MYH14: variants seen among roughly 807,000 people sequenced by gnomAD.
The protein encoded by MYH14 is myosin-14.
MYH14 carries 123 observed loss-of-function variants against 255.5 expected under a neutral mutation model. The observed-to-expected ratio is 0.48, with a 90% CI of 0.42 to 0.56. The LOEUF (loss-of-function observed/expected upper bound fraction) is 0.56. Ranked by LOEUF, MYH14 falls within the 20% of genes least tolerant of loss-of-function variation. The pLI is 0.00. For synonymous variants in MYH14, 1,095 were observed against 1,161.2 expected, an observed-to-expected ratio of 0.94 and a Z score of 1.16; for missense variants, 2,423 against 2,802.3, an observed-to-expected ratio of 0.86 and a Z score of 3.06.
chr19:50,211,767 A>G (rs2032205829), intron 2 of MYH14, among the ~76,000 whole-genome samples: 1 of 151,438 alleles, frequency 6.6e-6, no homozygotes, highest in South Asian at 2.1e-4. Flanking sequence ...GGATTGCTTG[A>G]GCCCAGGAGT....
intron 10 of MYH14, among the ~76,000 whole-genome samples, chr19:50,232,593 C>CA (rs532232129): frequency 0.069 from 4,322 of 63,028 alleles, 227 homozygotes; most frequent in Admixed American, 0.11. Context: ...GACTCTGTCT[C>CA]AAAAAAAAAA....
rs545426897 is a variant in MYH14 at position 50,261,766 on chromosome 19, G to A, written c.2585+131G>A. ...TGAGGAGCAGGTGGATGGAGGTGCC[G>A]GGTGTCCAGGCTTCTTGGTTCTGCA... On this transcript the variant is annotated intron_variant, in intron 21 of 42. Transcript: ENST00000642316. 3.9e-4 allele frequency: 292 copies of A among 752,156 alleles called. 3 individuals are homozygous for A. Among genetic ancestry groups the A allele is most frequent in the African/African-American group, 2.1e-3 (113 of 54,356 alleles). The allele number at this position is 752,156 out of a possible 1,614,324, so 46.6% of individuals were successfully genotyped here. A position where few individuals can be genotyped will look rare whatever the true frequency, so the allele number is the denominator to read the frequency against.
At chr19:50,296,475 G>A (rs1481722462) in intron 39 of MYH14, among the ~76,000 whole-genome samples, 1 of 152,162 alleles carries the variant, frequency 6.6e-6, no homozygotes, top group Admixed American at 6.6e-5. Context: ...TGCGATGGCG[G>A]GCACGCCTGC....
chr19:50,263,021 A>G (rs1007477973), intron 21 of MYH14, among the ~76,000 whole-genome samples: 10 of 152,050 alleles, frequency 6.6e-5, no homozygotes, highest in Middle Eastern at 3.4e-3. Context: ...CCAACATGGC[A>G]AAACCCCATC....
intron 34 of MYH14, 76 bp from the exon 35 acceptor site, chr19:50,289,360 T>G: frequency 8.3e-7 from 1 of 1,208,044 alleles, no homozygotes; most frequent in Non-Finnish European, 1.2e-6. Flanking sequence ...CCATCAAATC[T>G]TCCCCTACTC....
intron 10 of MYH14, among the ~76,000 whole-genome samples, chr19:50,234,274 G>A (rs2033554755): frequency 2.6e-5 from 4 of 152,284 alleles, no homozygotes; most frequent in Admixed American, 6.5e-5. Flanking sequence ...TAACAAGTAC[G>A]TAGGTGGACC....
intron 34 of MYH14, among the ~76,000 whole-genome samples, chr19:50,287,748 T>G (rs751001128): frequency 2.0e-5 from 3 of 152,204 alleles, no homozygotes; most frequent in Non-Finnish European, 2.9e-5. Flanking sequence ...TTCATGTGCA[T>G]ATGTACACAT....
intron 10 of MYH14, among the ~76,000 whole-genome samples, chr19:50,241,527 T>C (rs2033891712): frequency 6.6e-6 from 1 of 152,126 alleles, no homozygotes; most frequent in Non-Finnish European, 1.5e-5. Context: ...AGCTCTGCTG[T>C]CAGGGGAGAG....
At chr19:50,241,505 A>C (rs998595365) in intron 10 of MYH14, among the ~76,000 whole-genome samples, 37 of 152,144 alleles carry the variant, frequency 2.4e-4, no homozygotes, top group African/African-American at 8.4e-4. Context: ...CCTTGACTCA[A>C]ACACCACACA....
In MYH14 at chr19:50,210,353, GC is replaced by G; in HGVS notation, c.-3-6del. On this transcript the variant is annotated splice_polypyrimidine_tract_variant and intron_variant, in intron 1 of 42. Coordinates refer to ENST00000642316, the MANE Select transcript of MYH14 (RefSeq NM_001145809.2). ...CATCTGACCCCCACCCTCTTTCTTTGCCCCTGCAGACCATGGCAGCCGTGAC... is the reference window on the plus strand; with the variant it reads ...CATCTGACCCCCACCCTCTTTCTTTGCCCTGCAGACCATGGCAGCCGTGAC... The G allele has an allele frequency of 6.3e-7, 1 of 1,580,106 alleles. No individual in the cohort carries two copies. The highest frequency in any genetic ancestry group is 8.6e-7 in the Non-Finnish European group (1 of 1,164,828).
intron 33 of MYH14, 29 bp from the exon 34 acceptor site, chr19:50,286,453 C>T (rs1348458903): frequency 1.3e-6 from 2 of 1,595,108 alleles, no homozygotes; most frequent in African/African-American, 2.7e-5. Flanking sequence ...AATCTATTTC[C>T]CCCTACCCCA....
chr19:50,259,375 G>T, intron 19 of MYH14, 110 bp downstream of exon 19: 1 of 1,407,900 alleles, frequency 7.1e-7, no homozygotes, highest in Non-Finnish European at 9.6e-7. Flanking sequence ...CTTCTGCGCT[G>T]GGGAAGTTGA....
rs1314472430 is a variant in MYH14 at position 50,293,736 on chromosome 19, G to T, written c.5469+49G>T. ...CCAGCCTCAGTCCCCATTGACCTGG[G>T]ACCGTAACCTTCAGTCCTCTTATTC... On this transcript the variant is annotated intron_variant, in intron 39 of 42. Transcript: ENST00000642316. This position sits in a 1 kb window ranked among gnomAD's most constrained non-coding sequence, Gnocchi z 4.1. The T allele has an allele frequency of 6.6e-7, 1 of 1,508,616 alleles. No individual in the cohort carries two copies. The highest frequency in any genetic ancestry group is 8.9e-7 in the Non-Finnish European group (1 of 1,127,532). 93.5% of individuals were successfully genotyped at this position (1,508,616 alleles called of 1,614,324 possible).
Position 50,301,764 on chromosome 19 carries a change from G to A in MYH14, c.5573G>A (p.Arg1858His), listed in dbSNP as rs11882073. Residue 1858 changes from arginine (R) to histidine (H), a missense_variant, in exon 40 of 43, where the codon CGC becomes CAC. Arg to His is a conservative substitution (Grantham distance 29). This residue lies in a region of MYH14 where 1,513 missense variants were observed against 1,674.8 expected (regional missense o/e 0.90). Transcript: ENST00000642316. ...CGGCAGATCCAGGAGCTACGGGGAC[G>A]CCTGGGTGAGGAGGATGCTGGGGCC... ...LERQIQELRG[R>H]LGEEDAGARA... 477 of 1,613,918 alleles carry A rather than the reference G, an allele frequency of 3.0e-4. 5 individuals are homozygous for A. The African/African-American group carries it at 4.7e-3, about 16-fold the overall frequency.
At chr19:50,269,960 C>T (rs1358890045) in intron 24 of MYH14, among the ~76,000 whole-genome samples, 1 of 152,212 alleles carries the variant, frequency 6.6e-6, no homozygotes, top group African/African-American at 2.4e-5. Context: ...GGTGCAGTGG[C>T]TCAATGTGTA....
intron 33 of MYH14, among the ~76,000 whole-genome samples, chr19:50,283,125 A>T (rs1228830871): frequency 2.0e-5 from 3 of 148,698 alleles, no homozygotes; most frequent in African/African-American, 7.4e-5. Context: ...ACTCAAAATA[A>T]TTTTTTTTTT....
chr19:50,292,731 C>T lies in MYH14; in HGVS notation c.5256+342C>T, dbSNP rs1313105042. On this transcript the variant is annotated intron_variant, in intron 37 of 42. Transcript: ENST00000642316. The stretch of plus-strand genomic sequence containing the variant: ...AGGATGGGCAGGGTCAGCTCTGTAG[C>T]AGTTGAACTGGAGTGGGGAGATTGG... Among the ~76,000 whole-genome samples, 8 of 151,900 alleles carry T rather than the reference C, an allele frequency of 5.3e-5. No individual in the cohort carries two copies. The East Asian group carries it at 1.5e-3, about 29-fold the overall frequency.
At chr19:50,305,107 AGGCTGTG>A (rs987871521) in intron 40 of MYH14, among the ~76,000 whole-genome samples, 25 of 152,118 alleles carry the variant, frequency 1.6e-4, no homozygotes, top group African/African-American at 5.5e-4. Flanking sequence ...AGCCATGGGA[AGGCTGTG>A]GGCTGGGGAG....
chr19:50,274,866 G>A (rs2035446526), intron 27 of MYH14, among the ~76,000 whole-genome samples: 1 of 151,562 alleles, frequency 6.6e-6, no homozygotes, highest in East Asian at 1.9e-4. Flanking sequence ...GGGAAGTCGA[G>A]GCTGCAGTGA....
Sources: gnomAD v4.1 joint callset for allele counts (sites outside exome capture counted in the v4.1 genomes callset) on GRCh38, gnomAD v4.1.1 for gene constraint, gnomAD v4.1.1 regional missense constraint, Gnocchi (gnomAD v3.1) non-coding constraint, MANE v1.5 for transcripts, NCBI Gene and HGNC (gene_info 2026-07-23, HGNC 2026-07-21) for gene names.